Variants in RALGDS observed in about 807,000 individuals in gnomAD.
The protein encoded by RALGDS is ral guanine nucleotide dissociation stimulator.
RALGDS carries 44 observed loss-of-function variants against 99.8 expected under a neutral mutation model. The ratio of observed to expected loss-of-function variants is 0.44; its 90% CI spans 0.35 to 0.57. The LOEUF is 0.57. Ranked by LOEUF, RALGDS falls within the 20% of genes least tolerant of loss-of-function variation. The pLI is 0.01. For missense variants in RALGDS, 1,022 were observed against 1,203.1 expected (o/e 0.85, Z 2.23); for synonymous variants, 529 against 505.0 (o/e 1.05, Z -0.64).
In RALGDS at chr9:133,100,348, C is replaced by T. The variant is rs779751243; in HGVS notation, c.2489G>A (p.Arg830His). Residue 830 changes from arginine (R) to histidine (H), a missense_variant, in exon 17 of 18, where the codon CGC becomes CAC. Coordinates refer to ENST00000372050, the MANE Select transcript of RALGDS (RefSeq NM_006266.4). ...TSQDKAPAVI[R>H]KAMDKHNLEE... The stretch of plus-strand genomic sequence containing the variant: ...CAGGTTGTGTTTGTCCATGGCCTTG[C>T]GGATTACAGCCGGAGCCTTATCTTG... 14 of 1,614,192 alleles carry T rather than the reference C, an allele frequency of 8.7e-6. No homozygotes were observed. Among genetic ancestry groups the T allele is most frequent in the Admixed American group, 3.3e-5 (2 of 60,036 alleles).
At chr9:133,105,584 G>C (rs372829663) in intron 9 of RALGDS, among the ~76,000 whole-genome samples, 11 of 152,194 alleles carry the variant, frequency 7.2e-5, no homozygotes, top group African/African-American at 2.2e-4. Flanking sequence ...GGGCCGGTGT[G>C]GGGGCAGGAG....
chr9:133,112,123 C>T lies in RALGDS; in HGVS notation c.213G>A (p.Leu71=). 6.3e-7 allele frequency: 1 copy of T among 1,575,990 alleles called. No individual in the cohort carries two copies. Among genetic ancestry groups the T allele is most frequent in the Non-Finnish European group, 8.6e-7 (1 of 1,159,884 alleles). The change falls in exon 2 of 18, where the codon CTG becomes CTA. Residue 71 remains leucine, a synonymous_variant. Coordinates refer to ENST00000372050, the MANE Select transcript of RALGDS (RefSeq NM_006266.4). ...AGATGGAGTAGATGACTCCGTTGATCAGCTCCTCACCGATCTCCTGCGTGG... is the reference window on the plus strand; with the variant it reads ...AGATGGAGTAGATGACTCCGTTGATTAGCTCCTCACCGATCTCCTGCGTGG... ...ESSTQEIGEE[L]INGVIYSISL... is the part of the protein sequence containing the mutation.
At chr9:133,135,014 A>G (rs1186132289), upstream of RALGDS, among the ~76,000 whole-genome samples, 1 of 152,120 alleles carries the variant, frequency 6.6e-6, no homozygotes, top group Non-Finnish European at 1.5e-5. Context: ...TAAAGAGTCA[A>G]AGGTGATTTT....
At chr9:133,121,654 A>G (rs971381687), upstream of RALGDS, among the ~76,000 whole-genome samples, 9 of 152,006 alleles carry the variant, frequency 5.9e-5, no homozygotes, top group African/African-American at 1.9e-4. Flanking sequence ...CCTCTCCCCA[A>G]CTCTGTGGCC....
chr9:133,108,570 C>G (rs969062679), intron 5 of RALGDS, 103 bp downstream of exon 5: 30 of 1,481,572 alleles, frequency 2.0e-5, no homozygotes, highest in Non-Finnish European at 2.5e-5. Flanking sequence ...TGAGGCTCAT[C>G]TGGGCCCCTG....
chr9:133,107,041 C>T (rs2119150916), intron 7 of RALGDS, 44 bp downstream of exon 7: 1 of 1,602,726 alleles, frequency 6.2e-7, no homozygotes, highest in Non-Finnish European at 8.5e-7. Flanking sequence ...AACCTGAGAA[C>T]AGATGAAGCC....
intron 3 of RALGDS, 33 bp downstream of exon 3, chr9:133,110,263 G>A (rs1831279587): frequency 6.3e-7 from 1 of 1,597,806 alleles, no homozygotes. Flanking sequence ...GAGGGCCCCT[G>A]TGCACCCTGT....
At chr9:133,135,571 G>A (rs531441542), upstream of RALGDS, among the ~76,000 whole-genome samples, 80 of 152,270 alleles carry the variant, frequency 5.3e-4, no homozygotes, top group African/African-American at 1.9e-3. Context: ...GCTCCAGGAG[G>A]AACCCAACGT....
intron 11 of RALGDS, 24 bp downstream of exon 11, chr9:133,103,723 T>C (rs2119131540): frequency 6.2e-7 from 1 of 1,611,852 alleles, no homozygotes; most frequent in Non-Finnish European, 8.5e-7. Context: ...CGGGCCCTAC[T>C]CCAGCCCCGC....
chr9:133,125,439 TAAG>T (rs543401571), upstream of RALGDS, among the ~76,000 whole-genome samples: 321 of 152,248 alleles, frequency 2.1e-3, 1 homozygote, highest in African/African-American at 6.9e-3. Context: ...ATAAAAGTTA[TAAG>T]AAGAAAAATG....
intron 1 of RALGDS, among the ~76,000 whole-genome samples, chr9:133,113,894 G>A (rs963241702): frequency 2.6e-5 from 4 of 152,180 alleles, no homozygotes; most frequent in African/African-American, 4.8e-5. Context: ...GGACAAGCCC[G>A]CCACAGGGGA....
rs768787365 is a variant in RALGDS, at chr9:133,111,141, G to A, written c.295-652C>T. On this transcript the variant is annotated intron_variant, in intron 2 of 17. Transcript: ENST00000372050. ...TTTAAATACTGACACCTTCAGGTCC[G>A]TTGTTAGCTGAGTAATGGTAGCTGC... 5.3e-5 allele frequency among the ~76,000 whole-genome samples: 8 copies of A among 152,314 alleles called. No homozygotes were observed. The East Asian group carries it at 7.7e-4, about 15-fold the overall frequency.
At chr9:133,104,925 C>A (rs553591674) in intron 9 of RALGDS, among the ~76,000 whole-genome samples, 25 of 152,318 alleles carry the variant, frequency 1.6e-4, no homozygotes, top group African/African-American at 5.8e-4. Context: ...GTCAGCACCC[C>A]AGGGCTGGCA....
intron 1 of RALGDS, among the ~76,000 whole-genome samples, chr9:133,141,492 C>T (rs1179432046): frequency 1.3e-5 from 2 of 151,942 alleles, no homozygotes; most frequent in Non-Finnish European, 2.9e-5. Context: ...ACAGCAACTG[C>T]GGGGACCTCA....
rs950459539 is a variant in RALGDS, at chr9:133,144,552, G to A, written c.18+4411C>T. On this transcript the variant is annotated intron_variant, in intron 1 of 17. Coordinates refer to the RALGDS transcript ENST00000393160. The surrounding 1 kb of genome is among the most constrained non-coding windows in gnomAD (Gnocchi z 4.5). ...ACCCGAAAGCGAGACCTTTGTCTGC[G>A]GCAGCTCCGCGCCGGGCTGGGCGGC... Among the ~76,000 whole-genome samples the A allele has an allele frequency of 1.3e-5, 2 of 152,242 alleles. No individual in the cohort carries two copies. Among genetic ancestry groups the A allele is most frequent in the Non-Finnish European group, 2.9e-5 (2 of 68,046 alleles).
intron 1 of RALGDS, among the ~76,000 whole-genome samples, chr9:133,143,866 C>T (rs1302917772): frequency 6.7e-6 from 1 of 149,218 alleles, no homozygotes; most frequent in Non-Finnish European, 1.5e-5. Context: ...GGCCAGCGGC[C>T]CGCTGTGCAC....
chr9:133,123,064 G>A (rs1588556164), upstream of RALGDS, among the ~76,000 whole-genome samples: 1 of 151,956 alleles, frequency 6.6e-6, no homozygotes, highest in African/African-American at 2.4e-5. Flanking sequence ...GAGATCCCTA[G>A]AGGCTGTTTA....
chr9:133,127,751 C>G (rs1456084325), intron 1 of RALGDS, among the ~76,000 whole-genome samples: 1 of 152,230 alleles, frequency 6.6e-6, no homozygotes, highest in Non-Finnish European at 1.5e-5. Context: ...CAGGGGTCCC[C>G]ACAGGCGAGA....
Position 133,127,025 on chromosome 9 carries a change from C to T in RALGDS, c.132+3927G>A, listed in dbSNP as rs59017276. Among the ~76,000 whole-genome samples the T allele has an allele frequency of 3.0e-3, 463 of 152,364 alleles. 2 individuals are homozygous for T. The highest frequency in any genetic ancestry group is 0.011 in the African/African-American group (449 of 41,578). ...CTTGGTGTGGCCCCAGCTCCCCACT[C>T]CAGGTTCCCTCTCAGCAGAACTGCT... On this transcript the variant is annotated intron_variant, in intron 1 of 17. Coordinates refer to the RALGDS transcript ENST00000372062.
Sources: gnomAD v4.1 joint callset for allele counts (sites outside exome capture counted in the v4.1 genomes callset) on GRCh38, gnomAD v4.1.1 for gene constraint, Gnocchi (gnomAD v3.1) non-coding constraint, MANE v1.5 for transcripts, NCBI Gene and HGNC (gene_info 2026-07-23, HGNC 2026-07-21) for gene names.